The following UBR4 variants were observed in gnomAD, a reference collection of about 807,000 sequenced individuals.
UBR4 encodes the protein ubiquitin protein ligase E3 component n-recognin 4, also known as E3 ubiquitin-protein ligase UBR4.
In UBR4, 124 loss-of-function variants were observed where a neutral mutation model predicts 575.6. The ratio of observed to expected loss-of-function variants is 0.22; its 90% CI spans 0.19 to 0.25. UBR4 has a LOEUF of 0.25. UBR4 is among the 10% of genes least tolerant of loss of function. UBR4 has a pLI of 1.00. For synonymous variants in UBR4, 2,455 were observed against 2,473.7 expected (o/e 0.99, Z 0.22); for missense variants, 4,818 against 6,478.8 (o/e 0.74, Z 8.80).
Position 19,190,512 on chromosome 1 carries a change from A to T in UBR4, c.1394+1676T>A, listed in dbSNP as rs566017292. Among the ~76,000 whole-genome samples, 591 of 151,804 alleles carry T rather than the reference A, an allele frequency of 3.9e-3. 3 individuals carry two copies. The highest frequency in any genetic ancestry group is 0.013 in the African/African-American group (525 of 41,382). ...TCACATATCCAACTGCCCACTCAAC[A>T]TCTCACATAGAGGTCTGACAGTCAT... On this transcript the variant is annotated intron_variant, in intron 11 of 105. Transcript: ENST00000375254.
At chr1:19,085,393 G>A (rs2076916201) in intron 101 of UBR4, among the ~76,000 whole-genome samples, 1 of 152,202 alleles carries the variant, frequency 6.6e-6, no homozygotes, top group Non-Finnish European at 1.5e-5. Context: ...ATGGTGGCAG[G>A]CACCTGTAAT....
chr1:19,195,969 T>C (rs999270905), intron 8 of UBR4, among the ~76,000 whole-genome samples: 8 of 134,138 alleles, frequency 6.0e-5, no homozygotes, highest in African/African-American at 1.4e-4. Context: ...GACTTACTTA[T>C]ACACACACAC....
In UBR4 at chr1:19,169,468, G is replaced by A; in HGVS notation, c.3708C>T (p.Ile1236=). The change falls in exon 27 of 106, where the codon ATC becomes ATT. Residue 1236 remains isoleucine (I), a synonymous_variant. Transcript: ENST00000375254. ...CAATATTGGGAAATTCATTGGTATT[G>A]ATGTTGTTCCAGGACTCACACACAG... ...VQTVCESWNN[I]NTNEFPNIGS... The A allele has an allele frequency of 6.2e-7, 1 of 1,613,902 alleles. No homozygotes were observed. Among genetic ancestry groups the A allele is most frequent in the Non-Finnish European group, 8.5e-7 (1 of 1,179,934 alleles).
intron 8 of UBR4, among the ~76,000 whole-genome samples, chr1:19,195,993 C>G (rs887531650): frequency 6.6e-6 from 1 of 151,066 alleles, no homozygotes; most frequent in Non-Finnish European, 1.5e-5. Context: ...CACACACACA[C>G]ACACACACAC....
rs1295307472 is a variant in UBR4 at position 19,153,246 on chromosome 1, G to A, written c.6832+55C>T. On this transcript the variant is annotated intron_variant, in intron 46 of 105. Transcript: ENST00000375254. This position sits in a 1 kb window ranked among gnomAD's most constrained non-coding sequence, Gnocchi z 4.1. ...TTTCAACAGTCTATTCTGAGTCACT[G>A]TCTAGAAGACCACCATTCCTACTCC... 3 of 1,568,654 alleles carry A rather than the reference G, an allele frequency of 1.9e-6. No individual in the cohort carries two copies. The highest frequency in any genetic ancestry group is 2.7e-5 in the African/African-American group (2 of 73,994).
chr1:19,144,920 CAAACA>C lies in UBR4; in HGVS notation c.7946-18_7946-14del, dbSNP rs761159130. On this transcript the variant is annotated splice_polypyrimidine_tract_variant and intron_variant, in intron 53 of 105. Transcript: ENST00000375254. Reference sequence around the variant, plus strand: ...ATATGAGTTAGTCCTAAAGGAGAGACAAACATTATTTGAAAATCTGGAGGAAAAAA... The same window carrying C: ...ATATGAGTTAGTCCTAAAGGAGAGACTTATTTGAAAATCTGGAGGAAAAAA... The C allele has an allele frequency of 2.4e-5, 38 of 1,611,208 alleles. No individual in the cohort carries two copies. The highest frequency in any genetic ancestry group is 2.3e-5 in the Non-Finnish European group (27 of 1,179,174).
intron 103 of UBR4, 189 bp downstream of exon 103, chr1:19,081,160 A>C (rs2076465652): frequency 3.5e-6 from 2 of 569,270 alleles, no homozygotes; most frequent in Non-Finnish European, 6.1e-6. Context: ...GAAAACCCAG[A>C]AATGACCAGG....
At chr1:19,106,147 T>G (rs1334662931) in intron 83 of UBR4, among the ~76,000 whole-genome samples, 1 of 152,232 alleles carries the variant, frequency 6.6e-6, no homozygotes, top group Non-Finnish European at 1.5e-5. Context: ...CATTCTTTTT[T>G]GGGGACACTT....
chr1:19,154,123 C>T (rs116610537), intron 44 of UBR4, among the ~76,000 whole-genome samples, 184 bp from the exon 45 acceptor site: 2,814 of 152,318 alleles, frequency 0.018, 89 homozygotes, highest in African/African-American at 0.064. Context: ...CACCCCAATG[C>T]GTGCTTATGG....
Position 19,192,142 on chromosome 1 carries a change from T to A in UBR4, c.1394+46A>T, listed in dbSNP as rs193047718. ...CTAGCTCCCTGTAAATATAAAATGTTAGCGAAATAAAACAAAATATAAGTT... is the reference window on the plus strand; with the variant it reads ...CTAGCTCCCTGTAAATATAAAATGTAAGCGAAATAAAACAAAATATAAGTT... On this transcript the variant is annotated intron_variant, in intron 11 of 105. Coordinates refer to ENST00000375254, the MANE Select transcript of UBR4 (RefSeq NM_020765.3). 3.8e-6 allele frequency: 6 copies of A among 1,580,738 alleles called. No individual in the cohort carries two copies. The Admixed American group carries it at 1.1e-4, about 30-fold the overall frequency.
chr1:19,184,272 GT>G, intron 15 of UBR4, 97 bp from the exon 16 acceptor site: 1 of 1,307,230 alleles, frequency 7.6e-7, no homozygotes, highest in South Asian at 1.5e-5. Flanking sequence ...ATGCTCATAG[GT>G]ATCCTGCAAT....
chr1:19,174,820 A>G (rs2090045838), intron 21 of UBR4, 134 bp downstream of exon 21: 1 of 826,574 alleles, frequency 1.2e-6, no homozygotes, highest in Non-Finnish European at 1.9e-6. Context: ...TTCCTATTAG[A>G]ATAAGCTCAA....
chr1:19,130,223 A>G (rs1570856909), intron 60 of UBR4, among the ~76,000 whole-genome samples: 1 of 152,300 alleles, frequency 6.6e-6, no homozygotes, highest in South Asian at 2.1e-4. Flanking sequence ...TACTGTCCCC[A>G]GCCCAGAATA....
chr1:19,141,765 T>C lies in UBR4; in HGVS notation c.8192A>G (p.Asp2731Gly). 6.2e-7 allele frequency: 1 copy of C among 1,614,156 alleles called. No individual in the cohort carries two copies. Among genetic ancestry groups the C allele is most frequent in the South Asian group, 1.1e-5 (1 of 91,084 alleles). Residue 2731 changes from aspartate (D) to glycine (G), a missense_variant, in exon 56 of 106, where the codon GAT becomes GGT. Asp to Gly is a moderately conservative substitution (Grantham distance 94). Around this residue, in one of 29 missense-constraint regions of UBR4, gnomAD observed 129 missense variants for 198.4 expected, o/e 0.65. Coordinates refer to ENST00000375254, the MANE Select transcript of UBR4 (RefSeq NM_020765.3). ...CTCATCTGCATCATCATCGTCATCATCATCCTTGTCTCCTGAGTCAAAGAA... is the reference window on the plus strand; with the variant it reads ...CTCATCTGCATCATCATCGTCATCACCATCCTTGTCTCCTGAGTCAAAGAA... ...RSNTPMGDKD[D>G]DDDDDADEKM...
rs369105472 is a variant in UBR4, at chr1:19,135,331, T to C, written c.8906+2676A>G. Among the ~76,000 whole-genome samples, 8 of 152,360 alleles carry C rather than the reference T, an allele frequency of 5.3e-5. No individual in the cohort carries two copies. The South Asian group carries it at 1.4e-3, about 28-fold the overall frequency. On this transcript the variant is annotated intron_variant, in intron 60 of 105. Transcript: ENST00000375254. ...ATTACCATAGCTTTATAATAAGCTA[T>C]AATTCTATAAAGTCCTCTAAATTTA...
rs1193820194 is a variant in UBR4, at chr1:19,141,523, G to T, written c.8312C>A (p.Ser2771Tyr). 1 of 1,604,016 alleles carries T rather than the reference G, an allele frequency of 6.2e-7. No individual in the cohort carries two copies. The highest frequency in any genetic ancestry group is 8.5e-7 in the Non-Finnish European group (1 of 1,175,124). ...EVDHGDFEMV[S>Y]ESMVLETAEN... ...AGCTGTCTCCAGGACCATCGACTCA[G>T]ACTGCAGAGAGAAAGCTCTGTCAGT... Residue 2771 changes from serine to tyrosine, a missense_variant and splice_region_variant, in exon 57 of 106, where the codon TCT becomes TAT. By Grantham distance (144) the Ser-to-Tyr change is moderately radical (BLOSUM62 -2). Transcript: ENST00000375254.
At chr1:19,119,723 T>C (rs1413047622) in intron 69 of UBR4, 22 bp from the exon 70 acceptor site, 8 of 1,591,052 alleles carry the variant, frequency 5.0e-6, no homozygotes, top group Non-Finnish European at 6.9e-6. Context: ...TGACAGCTCA[T>C]GTTACCAAGC....
At chr1:19,195,511 G>A (rs532086970) in intron 8 of UBR4, among the ~76,000 whole-genome samples, 1 of 152,018 alleles carries the variant, frequency 6.6e-6, no homozygotes, top group South Asian at 2.1e-4. Flanking sequence ...TACTGACTGA[G>A]TACATTGAGA....
At chr1:19,143,252 A>G (rs1190450815) in intron 55 of UBR4, among the ~76,000 whole-genome samples, 3 of 102,164 alleles carry the variant, frequency 2.9e-5, no homozygotes, top group African/African-American at 1.1e-4. Context: ...GGAAGGAAGG[A>G]AGGAAGGAAG....
Sources: allele counts gnomAD v4.1 joint callset (sites outside exome capture counted in the v4.1 genomes callset), GRCh38; gene constraint gnomAD v4.1.1; regional missense constraint gnomAD v4.1.1; non-coding constraint Gnocchi (gnomAD v3.1); transcripts MANE v1.5; gene names NCBI Gene and HGNC (gene_info 2026-07-23, HGNC 2026-07-21).